The following DOCK4 variants were observed in gnomAD, a reference collection of about 807,000 sequenced individuals.
DOCK4 encodes the protein dedicator of cytokinesis protein 4.
Under a neutral mutation model 268.1 loss-of-function variants are expected in DOCK4, and 97 were observed. That is an observed-to-expected ratio of 0.36 (90% CI 0.31 to 0.43). DOCK4 has a LOEUF of 0.43. Among genes scored for constraint, DOCK4 ranks in the 20% least tolerant of loss-of-function variants. The pLI is 1.00. For synonymous variants in DOCK4, 954 were observed against 887.2 expected (o/e 1.08, Z -1.34); for missense variants, 2,145 against 2,455.7 (o/e 0.87, Z 2.67).
intron 23 of DOCK4, among the ~76,000 whole-genome samples, chr7:111,861,915 C>A (rs1190432373): frequency 6.6e-6 from 1 of 151,754 alleles, no homozygotes; most frequent in African/African-American, 2.4e-5. Context: ...AAAATAGGAA[C>A]CATAATCTCT....
chr7:112,182,869 C>A (rs1488640365), intron 1 of DOCK4, among the ~76,000 whole-genome samples: 1 of 152,216 alleles, frequency 6.6e-6, no homozygotes, highest in Non-Finnish European at 1.5e-5. Context: ...AACAGGGTGG[C>A]CACAGGACTG....
At chr7:111,882,288 A>G (rs1807455966) in intron 16 of DOCK4, among the ~76,000 whole-genome samples, 1 of 152,214 alleles carries the variant, frequency 6.6e-6, no homozygotes, top group South Asian at 2.1e-4. Flanking sequence ...CACACAGAAT[A>G]TCTGGATGAT....
chr7:112,044,859 T>G (rs953219091), intron 1 of DOCK4, among the ~76,000 whole-genome samples: 6 of 152,134 alleles, frequency 3.9e-5, no homozygotes, highest in African/African-American at 1.4e-4. Context: ...GCCCAAGCTC[T>G]CACCATCTCT....
chr7:111,766,760 T>A (rs1797784093), intron 38 of DOCK4, among the ~76,000 whole-genome samples: 1 of 152,192 alleles, frequency 6.6e-6, no homozygotes, highest in Non-Finnish European at 1.5e-5. Flanking sequence ...GTGGAGATTT[T>A]CCACAATAAA....
intron 26 of DOCK4, among the ~76,000 whole-genome samples, chr7:111,823,649 T>C (rs543412015): frequency 6.6e-6 from 1 of 152,366 alleles, no homozygotes; most frequent in Admixed American, 6.5e-5. Flanking sequence ...ATTAGCTCAA[T>C]CTAGCTTTGA....
At chr7:111,894,789 A>T (rs756835302) in intron 16 of DOCK4, among the ~76,000 whole-genome samples, 17 of 152,138 alleles carry the variant, frequency 1.1e-4, no homozygotes, top group Non-Finnish European at 2.2e-4. Context: ...GATGCCTGGG[A>T]TTTATTCTCT....
At chr7:112,106,900 C>T (rs1264958269) in intron 1 of DOCK4, among the ~76,000 whole-genome samples, 3 of 152,050 alleles carry the variant, frequency 2.0e-5, no homozygotes, top group Admixed American at 1.3e-4. Context: ...AGCAGAGAAG[C>T]CTAGTATTCT....
At chr7:111,976,157 A>T (rs1207842263) in intron 8 of DOCK4, among the ~76,000 whole-genome samples, 2,186 of 78,374 alleles carry the variant, frequency 0.028, 157 homozygotes, top group African/African-American at 0.072. Flanking sequence ...AAAAAAAAAA[A>T]AAAAATATAT....
intron 16 of DOCK4, among the ~76,000 whole-genome samples, chr7:111,891,631 G>A (rs912222836): frequency 2.0e-5 from 3 of 152,230 alleles, no homozygotes; most frequent in East Asian, 3.9e-4. Flanking sequence ...CTGAGTTGAA[G>A]GATATACACA....
At chr7:112,205,225 T>C (rs1005771007) in intron 1 of DOCK4, among the ~76,000 whole-genome samples, 1 of 152,172 alleles carries the variant, frequency 6.6e-6, no homozygotes, top group Non-Finnish European at 1.5e-5. Flanking sequence ...CAGCGAGAGC[T>C]ATCCTGTTCC....
At chr7:112,144,056 A>G (rs1815191295) in intron 1 of DOCK4, among the ~76,000 whole-genome samples, 1 of 152,176 alleles carries the variant, frequency 6.6e-6, no homozygotes, top group Admixed American at 6.5e-5. Context: ...ATCACAATTT[A>G]GGGATGCTAC....
At chr7:111,737,156 G>A (rs550995671) in intron 49 of DOCK4, among the ~76,000 whole-genome samples, 167 bp from the exon 50 acceptor site, 1 of 152,294 alleles carries the variant, frequency 6.6e-6, no homozygotes, top group Non-Finnish European at 1.5e-5. Context: ...GTAAAAGGGG[G>A]TGGGAAGAGC....
chr7:111,727,392 T>C lies in DOCK4; in HGVS notation c.*882A>G, dbSNP rs1794714448. Reference sequence around the variant, plus strand: ...TTCTTCACTTAAGCTATTAATTTAATACTGTCTGTATTGATTCCTGAATTC... The same window carrying C: ...TTCTTCACTTAAGCTATTAATTTAACACTGTCTGTATTGATTCCTGAATTC... On this transcript the variant is annotated 3_prime_UTR_variant, in exon 53 of 53. Transcript: ENST00000428084. 1 of 152,634 alleles carries C rather than the reference T, an allele frequency of 6.6e-6. No individual in the cohort carries two copies. Among genetic ancestry groups the C allele is most frequent in the Non-Finnish European group, 1.5e-5 (1 of 68,036 alleles). 9.5% of individuals were successfully genotyped at this position (152,634 alleles called of 1,614,324 possible). A position where few individuals can be genotyped will look rare whatever the true frequency, so the allele number is the denominator to read the frequency against.
rs1040486875 is a variant in DOCK4, at chr7:111,998,428, T to C, written c.218+20A>G. The C allele has an allele frequency of 1.3e-6, 2 of 1,544,830 alleles. No individual in the cohort carries two copies. Among genetic ancestry groups the C allele is most frequent in the Non-Finnish European group, 1.8e-6 (2 of 1,140,290 alleles). Reference sequence around the variant, plus strand: ...GGCTCTGTGAAAATCCTCCAACTACTAATAAAACTCATTTCTTACCCTTTG... The same window carrying C: ...GGCTCTGTGAAAATCCTCCAACTACCAATAAAACTCATTTCTTACCCTTTG... On this transcript the variant is annotated intron_variant, in intron 4 of 52. Coordinates refer to ENST00000428084, the MANE Select transcript of DOCK4 (RefSeq NM_001363540.2).
intron 30 of DOCK4, among the ~76,000 whole-genome samples, 190 bp from the exon 31 acceptor site, chr7:111,790,795 C>T (rs1164075040): frequency 6.6e-6 from 1 of 151,996 alleles, no homozygotes; most frequent in Non-Finnish European, 1.5e-5. Flanking sequence ...TGCAGTGGCT[C>T]ACGCCTGTAA....
intron 1 of DOCK4, among the ~76,000 whole-genome samples, chr7:112,071,794 G>A (rs1017273957): frequency 2.6e-5 from 4 of 152,166 alleles, no homozygotes; most frequent in Admixed American, 6.5e-5. Flanking sequence ...TTAGAAAAAT[G>A]TACCAACAGC....
chr7:112,018,179 A>AAAAAAAAAAAAAAAAAAAAAACAC lies in DOCK4; in HGVS notation c.38-14049_38-14048insGTGTTTTTTTTTTTTTTTTTTTTT. Among the ~76,000 whole-genome samples the AAAAAAAAAAAAAAAAAAAAAACAC allele has an allele frequency of 2.8e-5, 2 of 72,628 alleles. 1 individual carries two copies. The highest frequency in any genetic ancestry group is 1.1e-4 in the African/African-American group (2 of 18,512). The allele number at this position is 72,628 out of a possible 152,430, so 47.6% of individuals were successfully genotyped here. On this transcript the variant is annotated intron_variant, in intron 1 of 52. Transcript: ENST00000428084. ...AAAAAAAAAAAAAAAAAAAAAAAAAAACACAGGCAACCAGTATTCATGTGG... is the reference window on the plus strand; with the variant it reads ...AAAAAAAAAAAAAAAAAAAAAAAAAAAAAAAAAAAAAAAAAAAAAAACACACACAGGCAACCAGTATTCATGTGG...
At chr7:112,055,302 T>C (rs1426412559) in intron 1 of DOCK4, among the ~76,000 whole-genome samples, 1 of 152,184 alleles carries the variant, frequency 6.6e-6, no homozygotes, top group Non-Finnish European at 1.5e-5. Context: ...TATCCACTTA[T>C]TCCACAGGGA....
At chr7:111,846,092 C>T (rs1804076696) in intron 24 of DOCK4, among the ~76,000 whole-genome samples, 1 of 152,174 alleles carries the variant, frequency 6.6e-6, no homozygotes, top group South Asian at 2.1e-4. Flanking sequence ...ACTGCCAACT[C>T]TGTTCCCACG....
Sources: allele counts gnomAD v4.1 joint callset (sites outside exome capture counted in the v4.1 genomes callset), GRCh38; gene constraint gnomAD v4.1.1; transcripts MANE v1.5; gene names NCBI Gene and HGNC (gene_info 2026-07-23, HGNC 2026-07-21).